The following ARHGAP35 variants were observed in gnomAD, a reference collection of about 807,000 sequenced individuals.
ARHGAP35 encodes the protein Rho GTPase activating protein 35.
A neutral mutation model predicts 111.1 loss-of-function variants in ARHGAP35; 15 were observed. The observed-to-expected ratio is 0.13, with a 90% CI of 0.09 to 0.21. The LOEUF (loss-of-function observed/expected upper bound fraction) is 0.21. ARHGAP35 is among the 10% of genes least tolerant of loss of function. ARHGAP35 has a pLI of 1.00. For synonymous variants in ARHGAP35, 643 were observed against 710.3 expected (o/e 0.91, Z 1.51); for missense variants, 1,262 against 1,873.0 (o/e 0.67, Z 6.02).
intron 5 of ARHGAP35, among the ~76,000 whole-genome samples, chr19:46,998,505 C>T (rs1047588500): frequency 1.3e-5 from 2 of 152,314 alleles, no homozygotes; most frequent in South Asian, 2.1e-4. Context: ...CACACCCACT[C>T]GGGGATGGCA....
Position 46,945,191 on chromosome 19 carries a change from G to T in ARHGAP35, c.3826+7783G>T, listed in dbSNP as rs536453038. Among the ~76,000 whole-genome samples the T allele has an allele frequency of 6.6e-6, 1 of 151,958 alleles. No homozygotes were observed. Among genetic ancestry groups the T allele is most frequent in the Non-Finnish European group, 1.5e-5 (1 of 68,022 alleles). ...GGGGTTGAGGGGGAGCTTAGGAGGC[G>T]GGGTTGAGGGGGAGCTTAAGAGTCA... On this transcript the variant is annotated intron_variant, in intron 3 of 6. Coordinates refer to ENST00000672722, the MANE Select transcript of ARHGAP35 (RefSeq NM_004491.5). This position sits in a 1 kb window ranked among gnomAD's most constrained non-coding sequence, Gnocchi z 4.1.
At chr19:46,984,907 A>T (rs2056640824) in intron 3 of ARHGAP35, among the ~76,000 whole-genome samples, 1 of 152,218 alleles carries the variant, frequency 6.6e-6, no homozygotes, top group Non-Finnish European at 1.5e-5. Flanking sequence ...GCTGAAGGTC[A>T]GGGTCACCAG....
chr19:46,903,566 C>T (rs1199580582), intron 1 of ARHGAP35, among the ~76,000 whole-genome samples: 1 of 152,096 alleles, frequency 6.6e-6, no homozygotes, highest in Admixed American at 6.5e-5. Context: ...TGAATAGCAG[C>T]CAAATATATG....
At chr19:46,917,977 G>A (rs1013554092) in intron 1 of ARHGAP35, among the ~76,000 whole-genome samples, 11 of 152,192 alleles carry the variant, frequency 7.2e-5, no homozygotes, top group African/African-American at 2.7e-4. Context: ...GCCTCCCAAA[G>A]TTCTGGGATT....
In ARHGAP35 at chr19:47,000,604, G is replaced by A. The variant is rs185820645; in HGVS notation, c.4416G>A (p.Ser1472=). 1.5e-4 allele frequency: 246 copies of A among 1,611,786 alleles called. 5 individuals carry two copies. In the Admixed American group the frequency reaches 3.0e-3, roughly 19 times the overall value. ...LTSTPVTSQP[S]PPQSPPPTPQ... ...CCACGCCTGTCACAAGTCAGCCGTCGCCCCCACAGTCGCCTCCACCCACCC... is the reference window on the plus strand; with the variant it reads ...CCACGCCTGTCACAAGTCAGCCGTCACCCCCACAGTCGCCTCCACCCACCC... Residue 1472 remains serine (S), a synonymous_variant, in exon 7 of 7, where the codon TCG becomes TCA. Coordinates refer to ENST00000672722, the MANE Select transcript of ARHGAP35 (RefSeq NM_004491.5). The surrounding 1 kb of genome is among the most constrained non-coding windows in gnomAD (Gnocchi z 6.9).
chr19:46,924,394 G>A (rs528587805), intron 2 of ARHGAP35, among the ~76,000 whole-genome samples: 1 of 152,138 alleles, frequency 6.6e-6, no homozygotes, highest in Non-Finnish European at 1.5e-5. Context: ...CTGCATTACC[G>A]CTGACCAGGA....
chr19:46,995,919 G>C (rs1337895522), intron 5 of ARHGAP35, among the ~76,000 whole-genome samples: 2 of 152,186 alleles, frequency 1.3e-5, no homozygotes, highest in Non-Finnish European at 2.9e-5. Flanking sequence ...GAGCAGAAGG[G>C]CCTCTCGCCC....
Position 46,991,149 on chromosome 19 carries a change from C to T in ARHGAP35, c.4036+1474C>T, listed in dbSNP as rs935159591. Reference sequence around the variant, plus strand: ...AAGATAGAGGCTTTCCCAGCAGTCACTTCTCCAGCAGGCTCCAGGCAGGCA... The same window carrying T: ...AAGATAGAGGCTTTCCCAGCAGTCATTTCTCCAGCAGGCTCCAGGCAGGCA... On this transcript the variant is annotated intron_variant, in intron 5 of 6. Transcript: ENST00000672722. Among the ~76,000 whole-genome samples, 11 of 152,312 alleles carry T rather than the reference C, an allele frequency of 7.2e-5. 1 individual carries two copies. In the South Asian group the frequency reaches 2.3e-3, roughly 32 times the overall value.
At chr19:46,933,159 T>TC (rs1488507600) in intron 2 of ARHGAP35, among the ~76,000 whole-genome samples, 6 of 148,642 alleles carry the variant, frequency 4.0e-5, no homozygotes, top group East Asian at 2.0e-4. Context: ...TTTTTTTTTT[T>TC]CCGAGACAGG....
At chr19:46,890,338 C>A (rs1264247714) in intron 1 of ARHGAP35, among the ~76,000 whole-genome samples, 1 of 152,158 alleles carries the variant, frequency 6.6e-6, no homozygotes, top group Non-Finnish European at 1.5e-5. Context: ...AAATGTCTTT[C>A]TATTTGAAAT....
intron 3 of ARHGAP35, among the ~76,000 whole-genome samples, chr19:46,955,220 C>T (rs1176231797): frequency 6.6e-6 from 1 of 152,192 alleles, no homozygotes; most frequent in Non-Finnish European, 1.5e-5. Context: ...TGTGATACAA[C>T]TCCTAGCGGG....
intron 1 of ARHGAP35, among the ~76,000 whole-genome samples, chr19:46,885,459 G>A (rs995650932): frequency 6.6e-6 from 1 of 152,146 alleles, no homozygotes; most frequent in Non-Finnish European, 1.5e-5. Flanking sequence ...AGAGGAAGGA[G>A]AATAATAAAT....
In ARHGAP35 at chr19:46,987,998, C is replaced by T. The variant is rs773924334; in HGVS notation, c.3836C>T (p.Thr1279Met). Residue 1279 changes from threonine (T) to methionine (M), a missense_variant, in exon 4 of 7, where the codon ACG becomes ATG. By Grantham distance (81) the Thr-to-Met change is moderately conservative (BLOSUM62 -1). Around this residue, in one of 8 missense-constraint regions of ARHGAP35, gnomAD observed 45 missense variants for 118.2 expected, o/e 0.38. Transcript: ENST00000672722. ...IEYIEATGLSTEGIYRVSGNK... is the reference protein window; with the variant it reads ...IEYIEATGLSMEGIYRVSGNK... ...GCCTGTTTCTCCTCAGGACTGAGCA[C>T]GGAAGGCATCTACCGGGTCAGCGGG... The T allele has an allele frequency of 4.3e-6, 7 of 1,613,794 alleles. No homozygotes were observed. Among genetic ancestry groups the T allele is most frequent in the South Asian group, 1.1e-5 (1 of 91,060 alleles).
At chr19:46,895,324 C>T (rs893495204) in intron 1 of ARHGAP35, among the ~76,000 whole-genome samples, 2 of 152,056 alleles carry the variant, frequency 1.3e-5, no homozygotes, top group Admixed American at 1.3e-4. Context: ...CCACCACGCC[C>T]GGCTAATTTT....
At chr19:46,876,708 G>A (rs759511826) in intron 1 of ARHGAP35, among the ~76,000 whole-genome samples, 18 of 150,374 alleles carry the variant, frequency 1.2e-4, no homozygotes, top group Non-Finnish European at 2.7e-4. Context: ...GGGACTCGCT[G>A]TGTTGCCCAG....
At chr19:46,889,617 C>T (rs141382282) in intron 1 of ARHGAP35, among the ~76,000 whole-genome samples, 20 of 152,068 alleles carry the variant, frequency 1.3e-4, no homozygotes, top group African/African-American at 4.6e-4. Flanking sequence ...AATAGAATAT[C>T]CTCACCCCAC....
intron 1 of ARHGAP35, among the ~76,000 whole-genome samples, chr19:46,864,743 T>TA (rs1352850478): frequency 1.3e-5 from 2 of 152,236 alleles, no homozygotes; most frequent in African/African-American, 2.4e-5. Flanking sequence ...ATTATTGACT[T>TA]AAAGATTTTT....
intron 1 of ARHGAP35, among the ~76,000 whole-genome samples, chr19:46,904,814 G>A (rs2056097442): frequency 6.6e-6 from 1 of 152,164 alleles, no homozygotes; most frequent in African/African-American, 2.4e-5. Flanking sequence ...AGAAGCCTGT[G>A]GTTCCTCAGA....
chr19:46,975,655 T>G (rs982443824), intron 3 of ARHGAP35, among the ~76,000 whole-genome samples: 2 of 152,240 alleles, frequency 1.3e-5, no homozygotes, highest in Non-Finnish European at 2.9e-5. Flanking sequence ...GGAAAAGGCC[T>G]ACGTTCCAGC....
Sources: allele counts gnomAD v4.1 joint callset (sites outside exome capture counted in the v4.1 genomes callset), GRCh38; gene constraint gnomAD v4.1.1; regional missense constraint gnomAD v4.1.1; non-coding constraint Gnocchi (gnomAD v3.1); transcripts MANE v1.5; gene names NCBI Gene and HGNC (gene_info 2026-07-23, HGNC 2026-07-21).